The following JPH3 variants were observed in gnomAD, a reference collection of about 807,000 sequenced individuals.
JPH3 encodes the protein junctophilin-3.
JPH3 carries 11 observed loss-of-function variants against 59.6 expected under a neutral mutation model. The observed-to-expected ratio is 0.18, with a 90% CI of 0.12 to 0.31. The LOEUF (loss-of-function observed/expected upper bound fraction) is 0.31, where lower values mean the gene tolerates loss of function less well. Ranked by LOEUF, JPH3 falls within the 10% of genes least tolerant of loss-of-function variation. The pLI is 1.00. For synonymous variants in JPH3, 673 were observed against 483.6 expected, an observed-to-expected ratio of 1.39 and a Z score of -5.14; for missense variants, 1,202 against 1,105.7, an observed-to-expected ratio of 1.09 and a Z score of -1.24.
chr16:87,608,410 A>G (rs1399137946), intron 1 of JPH3, among the ~76,000 whole-genome samples: 1 of 151,988 alleles, frequency 6.6e-6, no homozygotes, highest in Non-Finnish European at 1.5e-5. Flanking sequence ...GTTGGTGTGA[A>G]TTTTCCACAT....
chr16:87,676,282 T>A (rs1464915685), intron 2 of JPH3, among the ~76,000 whole-genome samples: 1 of 152,234 alleles, frequency 6.6e-6, no homozygotes, highest in East Asian at 1.9e-4. Flanking sequence ...TGTCCTAATA[T>A]ACAACAGTGT....
intron 1 of JPH3, among the ~76,000 whole-genome samples, chr16:87,605,791 AC>A (rs934996784): frequency 7.2e-5 from 11 of 152,266 alleles, no homozygotes; most frequent in African/African-American, 2.6e-4. Context: ...TCTGTCTGGG[AC>A]CAAACCCCCC....
At chr16:87,635,425 C>G (rs1217934699) in intron 1 of JPH3, among the ~76,000 whole-genome samples, 3 of 152,200 alleles carry the variant, frequency 2.0e-5, no homozygotes, top group Non-Finnish European at 4.4e-5. Flanking sequence ...AGACAGGCAG[C>G]AGCAAGAGCC....
intron 1 of JPH3, among the ~76,000 whole-genome samples, chr16:87,606,986 C>G (rs1222069868): frequency 6.6e-6 from 1 of 152,146 alleles, no homozygotes; most frequent in African/African-American, 2.4e-5. Context: ...TTGGGAGGAA[C>G]CAGCAGGCGT....
chr16:87,671,312 G>C (rs2033009895), intron 2 of JPH3, among the ~76,000 whole-genome samples: 1 of 152,174 alleles, frequency 6.6e-6, no homozygotes, highest in African/African-American at 2.4e-5. Flanking sequence ...CTGAAGGAGG[G>C]AGGCCCACAC....
chr16:87,687,754 G>A (rs1021608535), intron 3 of JPH3, among the ~76,000 whole-genome samples: 7 of 152,150 alleles, frequency 4.6e-5, no homozygotes, highest in Non-Finnish European at 8.8e-5. Flanking sequence ...GCTGGGAGTC[G>A]GGGCCCCTCT....
intron 2 of JPH3, among the ~76,000 whole-genome samples, chr16:87,658,175 T>C (rs750289375): frequency 1.3e-5 from 2 of 152,072 alleles, no homozygotes; most frequent in Non-Finnish European, 2.9e-5. Context: ...CAGCAAACAG[T>C]GAATGGACAC....
Position 87,689,822 on chromosome 16 carries a change from C to T in JPH3, c.1462C>T (p.Pro488Ser), listed in dbSNP as rs747694319. ...CTTCCCCACCAGCCCCGCGGCCACC[C>T]CGCCGCCCGCGCCCGCCGCCAGGAA... ...QSFPTSPAAT[P>S]PPAPAARNKV... Residue 488 changes from proline to serine, a missense_variant, in exon 4 of 5, where the codon CCG becomes TCG. Transcript: ENST00000284262. 6 of 1,564,894 alleles carry T rather than the reference C, an allele frequency of 3.8e-6. No individual in the cohort carries two copies. The South Asian group carries it at 7.0e-5, about 18-fold the overall frequency.
At chr16:87,686,230 C>G (rs116014046) in intron 3 of JPH3, among the ~76,000 whole-genome samples, 3 of 152,146 alleles carry the variant, frequency 2.0e-5, no homozygotes, top group Admixed American at 6.5e-5. Context: ...CAGGCTCCCC[C>G]ACCCTGAGAA....
At chr16:87,625,010 G>A (rs1253488415) in intron 1 of JPH3, among the ~76,000 whole-genome samples, 1 of 152,180 alleles carries the variant, frequency 6.6e-6, no homozygotes, top group Non-Finnish European at 1.5e-5. Context: ...TGTTGGCCAG[G>A]CTGGTCTCGA....
At chr16:87,620,447 A>AGAGAGG (rs1555534441) in intron 1 of JPH3, among the ~76,000 whole-genome samples, 5 of 75,584 alleles carry the variant, frequency 6.6e-5, no homozygotes, top group Admixed American at 6.1e-4. Context: ...AGGGAGAGAG[A>AGAGAGG]GAGAGAAGGA....
At chr16:87,633,331 T>C (rs115942157) in intron 1 of JPH3, among the ~76,000 whole-genome samples, 1,931 of 149,998 alleles carry the variant, frequency 0.013, 34 homozygotes, top group African/African-American at 0.041. Flanking sequence ...AAAGACCTTA[T>C]CTATCTCCAA....
chr16:87,681,786 C>T (rs967668363), intron 2 of JPH3, among the ~76,000 whole-genome samples: 1 of 152,166 alleles, frequency 6.6e-6, no homozygotes, highest in Non-Finnish European at 1.5e-5. Flanking sequence ...TCCTTGGCTT[C>T]CGGGGAGCTT....
In JPH3 at chr16:87,661,183, GCCTCT is replaced by G. The variant is rs574092366; in HGVS notation, c.1160+16161_1160+16165del. Among the ~76,000 whole-genome samples, 133 of 152,282 alleles carry G rather than the reference GCCTCT, an allele frequency of 8.7e-4. No homozygotes were observed. In the East Asian group the frequency reaches 0.014, roughly 15 times the overall value. ...CTCCACCTTCAGAGCCAGCGGGGCAGCCTCTCCTCTCCTCTCCGACCTCCTGCCTC... is the reference window on the plus strand; with the variant it reads ...CTCCACCTTCAGAGCCAGCGGGGCAGCCTCTCCTCTCCGACCTCCTGCCTC... On this transcript the variant is annotated intron_variant, in intron 2 of 4. Coordinates refer to ENST00000284262, the MANE Select transcript of JPH3 (RefSeq NM_020655.4).
At chr16:87,666,939 C>A (rs1173947596) in intron 2 of JPH3, among the ~76,000 whole-genome samples, 1 of 152,220 alleles carries the variant, frequency 6.6e-6, no homozygotes, top group African/African-American at 2.4e-5. Context: ...TGTGCCCCCT[C>A]CATGACCATA....
intron 1 of JPH3, among the ~76,000 whole-genome samples, chr16:87,640,607 G>A (rs1036005054): frequency 2.6e-5 from 4 of 152,032 alleles, no homozygotes; most frequent in Non-Finnish European, 5.9e-5. Context: ...TGGCCAGCGT[G>A]GTCTCTAACT....
chr16:87,628,495 G>A (rs536922467), intron 1 of JPH3, among the ~76,000 whole-genome samples: 1 of 152,360 alleles, frequency 6.6e-6, no homozygotes, highest in East Asian at 1.9e-4. Flanking sequence ...CTGCTCTGTT[G>A]CCCGGTGACA....
chr16:87,635,087 C>T (rs1368141835), intron 1 of JPH3, among the ~76,000 whole-genome samples: 2 of 152,164 alleles, frequency 1.3e-5, no homozygotes, highest in Admixed American at 6.5e-5. Flanking sequence ...CTTTTGCCTG[C>T]CAGAACTCAT....
In JPH3 at chr16:87,644,237, CCT is replaced by C. The variant is rs140270265; in HGVS notation, c.383-15_383-14del. 729 of 1,586,158 alleles carry C rather than the reference CCT, an allele frequency of 4.6e-4. 3 individuals are homozygous for C. In the African/African-American group the frequency reaches 8.2e-3, roughly 18 times the overall value. On this transcript the variant is annotated intron_variant, in intron 1 of 4. Coordinates refer to ENST00000284262, the MANE Select transcript of JPH3 (RefSeq NM_020655.4). ...CCTCCTCTGTCGCTGGGCACTCACC[CCT>C]CTCTCATTTTCTCCCCAGGGACCTA...
Sources: allele counts gnomAD v4.1 joint callset (sites outside exome capture counted in the v4.1 genomes callset), GRCh38; gene constraint gnomAD v4.1.1; transcripts MANE v1.5; gene names NCBI Gene and HGNC (gene_info 2026-07-23, HGNC 2026-07-21).